The following DYM variants were observed in gnomAD, a reference collection of about 807,000 sequenced individuals.
The protein encoded by DYM is dymeclin.
In DYM, 78 loss-of-function variants were observed where a neutral mutation model predicts 93.1. The observed-to-expected ratio is 0.84, with a 90% CI of 0.70 to 1.01. The LOEUF is 1.01. Ranked by LOEUF, DYM falls within the 50% of genes least tolerant of loss-of-function variation. The pLI is 0.00. For missense variants in DYM, 789 were observed against 845.0 expected (o/e 0.93, Z 0.82); for synonymous variants, 321 against 319.7 (o/e 1.00, Z -0.04).
chr18:49,402,418 G>C (rs1022842552), intron 2 of DYM, among the ~76,000 whole-genome samples: 2 of 152,064 alleles, frequency 1.3e-5, no homozygotes, highest in Admixed American at 6.5e-5. Context: ...AGATTTTTAG[G>C]GGGGAAGAAA....
chr18:49,090,211 G>C (rs564991527), intron 17 of DYM, among the ~76,000 whole-genome samples: 1 of 152,254 alleles, frequency 6.6e-6, no homozygotes, highest in Admixed American at 6.5e-5. Context: ...GAAACTCAAG[G>C]AGAGTCAGAA....
At chr18:49,438,337 G>A (rs750425624) in intron 1 of DYM, among the ~76,000 whole-genome samples, 1 of 151,956 alleles carries the variant, frequency 6.6e-6, no homozygotes, top group East Asian at 1.9e-4. Context: ...CTCCTTCCCC[G>A]TTTTTTCTCA....
chr18:49,123,610 C>G (rs914960926), intron 15 of DYM, among the ~76,000 whole-genome samples: 1 of 152,228 alleles, frequency 6.6e-6, no homozygotes, highest in South Asian at 2.1e-4. Flanking sequence ...GCTCACTGTT[C>G]TGACTGCTTT....
At chr18:49,189,175 C>T (rs1410217360) in intron 14 of DYM, among the ~76,000 whole-genome samples, 1 of 152,080 alleles carries the variant, frequency 6.6e-6, no homozygotes, top group African/African-American at 2.4e-5. Context: ...AGGAAGGGGA[C>T]AAGGGCTGAA....
chr18:49,435,080 C>A (rs146683968), intron 1 of DYM, among the ~76,000 whole-genome samples: 455 of 148,284 alleles, frequency 3.1e-3, no homozygotes, highest in Non-Finnish European at 5.2e-3. Context: ...TGGTGGTGTG[C>A]GCCTATAATC....
At chr18:49,218,994 T>C (rs899916873) in intron 13 of DYM, among the ~76,000 whole-genome samples, 3 of 152,024 alleles carry the variant, frequency 2.0e-5, no homozygotes, top group Non-Finnish European at 2.9e-5. Context: ...ATCAACAAAA[T>C]TGATAGACCG....
intron 2 of DYM, among the ~76,000 whole-genome samples, chr18:49,419,087 G>C (rs1017599394): frequency 6.6e-6 from 1 of 152,150 alleles, no homozygotes; most frequent in African/African-American, 2.4e-5. Context: ...TGGTGGCCAG[G>C]CGCAGTGGCT....
intron 16 of DYM, among the ~76,000 whole-genome samples, chr18:49,103,555 G>T (rs769482580): frequency 1.4e-4 from 22 of 152,116 alleles, no homozygotes; most frequent in African/African-American, 3.9e-4. Flanking sequence ...GGTCTAACAT[G>T]TAAGTCTTTA....
intron 1 of DYM, among the ~76,000 whole-genome samples, chr18:49,436,918 T>C (rs1217851641): frequency 1.3e-5 from 2 of 152,184 alleles, no homozygotes; most frequent in Non-Finnish European, 2.9e-5. Flanking sequence ...AAGCAAGCAA[T>C]TTTACTCTAG....
At chr18:49,105,550 C>T (rs376646626) in intron 16 of DYM, among the ~76,000 whole-genome samples, 4 of 152,072 alleles carry the variant, frequency 2.6e-5, no homozygotes, top group African/African-American at 9.7e-5. Context: ...CATTTAGTGC[C>T]ATAAATTTCC....
chr18:49,356,376 G>C (rs2065564693), intron 6 of DYM, among the ~76,000 whole-genome samples: 1 of 152,074 alleles, frequency 6.6e-6, no homozygotes, highest in African/African-American at 2.4e-5. Flanking sequence ...TACTGTCTTG[G>C]TATCTGAAAA....
At chr18:49,301,858 T>C (rs2146195828) in intron 8 of DYM, among the ~76,000 whole-genome samples, 1 of 152,334 alleles carries the variant, frequency 6.6e-6, no homozygotes, top group South Asian at 2.1e-4. Context: ...CAGTCATGTG[T>C]GGTGCCCTAG....
At chr18:49,195,956 C>A (rs1321690711) in intron 14 of DYM, among the ~76,000 whole-genome samples, 2 of 106,670 alleles carry the variant, frequency 1.9e-5, no homozygotes, top group Non-Finnish European at 3.4e-5. Context: ...CGGAGCCTCG[C>A]TCTGTTGCCC....
At chr18:49,051,418 A>C (rs1393575303) in intron 17 of DYM, among the ~76,000 whole-genome samples, 1 of 151,880 alleles carries the variant, frequency 6.6e-6, no homozygotes, top group Non-Finnish European at 1.5e-5. Context: ...AAAATGAAGG[A>C]CCTTTGAGCT....
chr18:49,365,211 C>T (rs1256238011), intron 5 of DYM, among the ~76,000 whole-genome samples: 1 of 152,074 alleles, frequency 6.6e-6, no homozygotes, highest in African/African-American at 2.4e-5. Flanking sequence ...ACCTAGCATT[C>T]AGAAATTATA....
intron 13 of DYM, among the ~76,000 whole-genome samples, chr18:49,253,063 G>A (rs1200834760): frequency 6.6e-6 from 1 of 152,140 alleles, no homozygotes; most frequent in African/African-American, 2.4e-5. Context: ...TTACATTTAT[G>A]TCCAGCTAAG....
intron 2 of DYM, among the ~76,000 whole-genome samples, chr18:49,406,433 C>T (rs1285984436): frequency 6.6e-6 from 1 of 151,994 alleles, no homozygotes; most frequent in African/African-American, 2.4e-5. Context: ...TGGTGGCTCA[C>T]ACCTGTAATC....
chr18:49,295,609 G>T (rs1193263080), intron 8 of DYM, among the ~76,000 whole-genome samples: 2 of 152,164 alleles, frequency 1.3e-5, no homozygotes, highest in Non-Finnish European at 2.9e-5. Context: ...AAGCAAGCCT[G>T]CCTCTAGACT....
intron 13 of DYM, among the ~76,000 whole-genome samples, chr18:49,218,068 A>G (rs1297527032): frequency 6.6e-6 from 1 of 152,130 alleles, no homozygotes; most frequent in East Asian, 1.9e-4. Context: ...AGATCTACCA[A>G]GCAAATGGAA....
Sources: allele counts gnomAD v4.1 joint callset (sites outside exome capture counted in the v4.1 genomes callset), GRCh38; gene constraint gnomAD v4.1.1; transcripts MANE v1.5; gene names NCBI Gene and HGNC (gene_info 2026-07-23, HGNC 2026-07-21).